The following ABI3BP variants were observed in gnomAD, a reference collection of about 807,000 sequenced individuals.
The protein encoded by ABI3BP is ABI family member 3 binding protein, also known as target of Nesh-SH3.
A neutral mutation model predicts 268.6 loss-of-function variants in ABI3BP; 216 were observed. The observed-to-expected ratio is 0.80, with a 90% CI of 0.72 to 0.90. ABI3BP has a LOEUF of 0.90. ABI3BP is among the 40% of genes least tolerant of loss of function. ABI3BP has a pLI of 0.00. For missense variants in ABI3BP, 2,090 were observed against 2,182.4 expected (o/e 0.96, Z 0.84); for synonymous variants, 730 against 730.0 (o/e 1.00, Z 0.00).
intron 16 of ABI3BP, 22 bp downstream of exon 16, chr3:100,850,619 TGATGGAAAATAAAGTATGA>T (rs1580449600): frequency 1.4e-6 from 2 of 1,470,824 alleles, no homozygotes; most frequent in Non-Finnish European, 1.9e-6. Context: ...TTTTTTTTTT[TGATGGAAAATAAAGTATGA>T]TTTTTCTGTT....
At position 100,967,102 on chromosome 3, in the gene ABI3BP, G is replaced by A. The variant is rs188495939; in HGVS notation, c.79+26204C>T. Among the ~76,000 whole-genome samples, 236 of 152,036 alleles carry A rather than the reference G, an allele frequency of 1.6e-3. 1 individual carries two copies. Among genetic ancestry groups the A allele is most frequent in the South Asian group, 2.9e-3 (14 of 4,800 alleles). ...AAAGGCTTGAACTGTATACCCTCTG[G>A]GGTTTTGGTCTCTGAATTCTGACTA... On this transcript the variant is annotated intron_variant, in intron 1 of 67. Coordinates refer to ENST00000471714, the MANE Select transcript of ABI3BP (RefSeq NM_001375547.2).
In ABI3BP at chr3:100,812,459, AT is replaced by A; in HGVS notation, c.3421+7del. The A allele has an allele frequency of 3.1e-6, 4 of 1,292,996 alleles. No individual in the cohort carries two copies. Among genetic ancestry groups the A allele is most frequent in the South Asian group, 5.3e-5 (2 of 37,748 alleles). 80.1% of individuals were successfully genotyped at this position (1,292,996 alleles called of 1,614,324 possible). Reference sequence around the variant, plus strand: ...TATGCTTGACTTCCCATTGGGGAACATTTTTACCTATGGTCTCCTTTGGTGA... The same window carrying A: ...TATGCTTGACTTCCCATTGGGGAACATTTTACCTATGGTCTCCTTTGGTGA... On this transcript the variant is annotated splice_region_variant and intron_variant, in intron 46 of 67. Transcript: ENST00000471714.
intron 2 of ABI3BP, among the ~76,000 whole-genome samples, chr3:100,903,535 C>G (rs947311199): frequency 3.9e-5 from 6 of 152,204 alleles, no homozygotes; most frequent in African/African-American, 1.4e-4. Flanking sequence ...TCCTCCAGAA[C>G]TTTAAACTCT....
chr3:100,851,040 C>T (rs759579696), intron 15 of ABI3BP, among the ~76,000 whole-genome samples: 1 of 152,198 alleles, frequency 6.6e-6, no homozygotes, highest in Non-Finnish European at 1.5e-5. Context: ...TCACCACTGA[C>T]ATTCTATTTC....
chr3:100,803,243 A>G (rs912439551), intron 51 of ABI3BP, among the ~76,000 whole-genome samples: 1 of 145,572 alleles, frequency 6.9e-6, no homozygotes, highest in African/African-American at 2.4e-5. Context: ...GTTGTTAACT[A>G]TTTGTGTTGT....
At chr3:100,925,023 A>G (rs1344744647) in intron 2 of ABI3BP, among the ~76,000 whole-genome samples, 1 of 152,292 alleles carries the variant, frequency 6.6e-6, no homozygotes, top group African/African-American at 2.4e-5. Flanking sequence ...TTTTGTGGTC[A>G]AGGTTAGTGT....
chr3:100,929,400 T>A (rs1232884275), intron 1 of ABI3BP, among the ~76,000 whole-genome samples: 5 of 152,060 alleles, frequency 3.3e-5, no homozygotes, highest in Admixed American at 2.0e-4. Flanking sequence ...TCTCTCTCCC[T>A]TTTGCTAACA....
At chr3:100,911,910 T>A (rs1231083607) in intron 2 of ABI3BP, 14 of 1,372,176 alleles carry the variant, frequency 1.0e-5, no homozygotes, top group Non-Finnish European at 1.5e-5. Flanking sequence ...TATCACATTC[T>A]TTTTGACATT....
At position 100,874,870 on chromosome 3, in the gene ABI3BP, T is replaced by G. The variant is rs1322778188; in HGVS notation, c.881A>C (p.Glu294Ala). ...TTGTGTCTTGAGTGCATCTGAAATC[T>G]CAAACATTAGGGATGCAGGAAGTTT... ...TVKLPASLMF[E>A]ISDALKTQLA... The change falls in exon 9 of 68, where the codon GAG (glutamate) becomes GCG (alanine). Residue 294 changes from glutamate (E) to alanine (A), a missense_variant. Coordinates refer to ENST00000471714, the MANE Select transcript of ABI3BP (RefSeq NM_001375547.2). 6.3e-7 allele frequency: 1 copy of G among 1,599,654 alleles called. No individual in the cohort carries two copies. The highest frequency in any genetic ancestry group is 1.3e-5 in the African/African-American group (1 of 74,902).
intron 14 of ABI3BP, among the ~76,000 whole-genome samples, chr3:100,861,722 G>A (rs948221776): frequency 8.6e-5 from 13 of 150,520 alleles, no homozygotes; most frequent in Admixed American, 5.3e-4. Context: ...AATTGCTACA[G>A]TTTGCAAAAG....
intron 31 of ABI3BP, among the ~76,000 whole-genome samples, chr3:100,831,902 C>G (rs1445178202): frequency 1.3e-5 from 2 of 152,184 alleles, no homozygotes; most frequent in African/African-American, 4.8e-5. Context: ...ACAGTGTAAA[C>G]TGATTGGGAA....
chr3:100,756,624 C>T (rs2095632667), intron 63 of ABI3BP, among the ~76,000 whole-genome samples: 1 of 152,172 alleles, frequency 6.6e-6, no homozygotes, highest in Non-Finnish European at 1.5e-5. Flanking sequence ...TTCAAATGGG[C>T]AGTGCATTCC....
At chr3:100,823,049 T>C (rs1396580784) in intron 37 of ABI3BP, among the ~76,000 whole-genome samples, 4 of 152,120 alleles carry the variant, frequency 2.6e-5, no homozygotes, top group Admixed American at 2.6e-4. Flanking sequence ...AATCTGAACA[T>C]ATTATGACCT....
At chr3:100,865,089 A>G (rs551573977) in intron 10 of ABI3BP, among the ~76,000 whole-genome samples, 182 bp from the exon 11 acceptor site, 1 of 152,172 alleles carries the variant, frequency 6.6e-6, no homozygotes, top group African/African-American at 2.4e-5. Context: ...CTCCTCTCCA[A>G]CTGGTCCTTT....
chr3:100,750,339 C>A lies in ABI3BP; in HGVS notation c.*156G>T, dbSNP rs562974089. 1.9e-6 allele frequency: 1 copy of A among 535,192 alleles called. No individual in the cohort carries two copies. The highest frequency in any genetic ancestry group is 3.2e-6 in the Non-Finnish European group (1 of 313,322). The allele number at this position is 535,192 out of a possible 1,614,324, so 33.2% of individuals were successfully genotyped here. On this transcript the variant is annotated 3_prime_UTR_variant, in exon 68 of 68. Transcript: ENST00000471714. ...CTTTGTAAAACCTGATAAATACTCT[C>A]AGCAATCTTTTCTAATAATAAACAT...
chr3:100,982,150 A>T (rs2089813877), intron 1 of ABI3BP, among the ~76,000 whole-genome samples: 1 of 152,036 alleles, frequency 6.6e-6, no homozygotes, highest in African/African-American at 2.4e-5. Flanking sequence ...CTCTCCTGAG[A>T]ACTCACTATC....
At chr3:100,858,710 G>T (rs2098964908) in intron 14 of ABI3BP, among the ~76,000 whole-genome samples, 1 of 152,206 alleles carries the variant, frequency 6.6e-6, no homozygotes, top group South Asian at 2.1e-4. Context: ...CAGGTAGGCT[G>T]TGGTGTTTGT....
chr3:100,902,632 T>C lies in ABI3BP; in HGVS notation c.314A>G (p.Lys105Arg). 6.2e-7 allele frequency: 1 copy of C among 1,613,918 alleles called. No homozygotes were observed. Among genetic ancestry groups the C allele is most frequent in the Non-Finnish European group, 8.5e-7 (1 of 1,179,828 alleles). Residue 105 changes from lysine to arginine, a missense_variant, in exon 3 of 68, where the codon AAG becomes AGG. Lys to Arg is a conservative substitution (Grantham distance 26). Transcript: ENST00000471714. ...AAGGACTATACCTGAACATGACTTC[T>C]TTTGACTTGGAGGTGGAGCAGGTCG... ...VVRPAPPPSQKKSCSGKTRSR... is the reference protein window; with the variant it reads ...VVRPAPPPSQRKSCSGKTRSR...
chr3:100,950,794 C>A (rs2074622827), intron 1 of ABI3BP, among the ~76,000 whole-genome samples: 1 of 151,894 alleles, frequency 6.6e-6, no homozygotes, highest in African/African-American at 2.4e-5. Context: ...TCTAAGGGCT[C>A]TAATCATCAT....
Sources: allele counts gnomAD v4.1 joint callset (sites outside exome capture counted in the v4.1 genomes callset), GRCh38; gene constraint gnomAD v4.1.1; transcripts MANE v1.5; gene names NCBI Gene and HGNC (gene_info 2026-07-23, HGNC 2026-07-21).